Variants in HSD17B2 observed in about 807,000 individuals in gnomAD.
The protein encoded by HSD17B2 is hydroxysteroid 17-beta dehydrogenase 2, also known as 17-beta-hydroxysteroid dehydrogenase type 2.
Under a neutral mutation model 26.9 loss-of-function variants are expected in HSD17B2, and 32 were observed. That is an observed-to-expected ratio of 1.19 (90% CI 0.90 to 1.60). The LOEUF is 1.60. Among genes scored for constraint, HSD17B2 ranks in the 40% most tolerant of loss-of-function variants. The probability of loss-of-function intolerance (pLI) is 0.00; values close to 1 mark genes in which losing one functional copy is unlikely to be tolerated. For missense variants in HSD17B2, 613 were observed against 468.6 expected, an observed-to-expected ratio of 1.31 and a Z score of -2.85; for synonymous variants, 246 against 186.7, an observed-to-expected ratio of 1.32 and a Z score of -2.59.
rs562026112 is a variant in HSD17B2 at position 82,084,033 on chromosome 16, A to G, written c.665-6869A>G. ...CGCATAAACACTTGTGTGCAATTGCATGCTATGCTCAAAAACAAGCCCTGC... is the reference window on the plus strand; with the variant it reads ...CGCATAAACACTTGTGTGCAATTGCGTGCTATGCTCAAAAACAAGCCCTGC... On this transcript the variant is annotated intron_variant, in intron 3 of 4. Coordinates refer to ENST00000199936, the MANE Select transcript of HSD17B2 (RefSeq NM_002153.3). Among the ~76,000 whole-genome samples the G allele has an allele frequency of 2.6e-5, 4 of 152,312 alleles. 1 individual carries two copies. In the South Asian group the frequency reaches 6.2e-4, roughly 24 times the overall value.
chr16:82,067,197 A>T (rs1418742212), intron 1 of HSD17B2, among the ~76,000 whole-genome samples: 1 of 152,130 alleles, frequency 6.6e-6, no homozygotes, highest in South Asian at 2.1e-4. Context: ...TTATTTCCCA[A>T]TTCTTGGCGG....
intron 1 of HSD17B2, among the ~76,000 whole-genome samples, chr16:82,039,964 G>T (rs1327739718): frequency 1.3e-5 from 2 of 152,072 alleles, no homozygotes; most frequent in East Asian, 3.9e-4. Flanking sequence ...AAAAAAAGAG[G>T]GACCTCGTTA....
intron 1 of HSD17B2, among the ~76,000 whole-genome samples, chr16:82,049,496 A>G (rs775119778): frequency 2.0e-5 from 3 of 152,234 alleles, no homozygotes; most frequent in Non-Finnish European, 2.9e-5. Flanking sequence ...TGCACCTTGA[A>G]GAATAGGCCA....
intron 1 of HSD17B2, among the ~76,000 whole-genome samples, chr16:82,064,658 G>A (rs1039498562): frequency 6.6e-6 from 1 of 152,188 alleles, no homozygotes; most frequent in Non-Finnish European, 1.5e-5. Context: ...AAACTAACTC[G>A]AGAAAGAAGA....
intron 1 of HSD17B2, among the ~76,000 whole-genome samples, chr16:82,058,939 A>T (rs1373923558): frequency 6.6e-6 from 1 of 152,064 alleles, no homozygotes; most frequent in Non-Finnish European, 1.5e-5. Flanking sequence ...ATACTTCTTC[A>T]TTTACTCAAT....
intron 1 of HSD17B2, among the ~76,000 whole-genome samples, chr16:82,041,627 A>G (rs1345006290): frequency 6.6e-6 from 1 of 152,260 alleles, no homozygotes; most frequent in Non-Finnish European, 1.5e-5. Flanking sequence ...CTTCTGCTCC[A>G]GCACTGCCGA....
chr16:82,083,335 T>C (rs999499377), intron 3 of HSD17B2, among the ~76,000 whole-genome samples: 1 of 152,086 alleles, frequency 6.6e-6, no homozygotes, highest in African/African-American at 2.4e-5. Context: ...AAAGACATCA[T>C]GTAGGAATAC....
intron 3 of HSD17B2, chr16:82,090,302 G>GATTT (rs1904647934): frequency 2.5e-5 from 1 of 40,066 alleles, no homozygotes; most frequent in Non-Finnish European, 4.1e-5. Context: ...AAACTACATT[G>GATTT]TTTTTTTTTT....
chr16:82,049,165 C>G (rs986306645), intron 1 of HSD17B2, among the ~76,000 whole-genome samples: 2 of 152,088 alleles, frequency 1.3e-5, no homozygotes, highest in Non-Finnish European at 2.9e-5. Context: ...TTACTGGGAG[C>G]AATTTGGTTA....
At chr16:82,072,593 G>A (rs8191179) in intron 3 of HSD17B2, among the ~76,000 whole-genome samples, 1 of 152,222 alleles carries the variant, frequency 6.6e-6, no homozygotes, top group Admixed American at 6.5e-5. Context: ...TCAACTTTGA[G>A]CAACACCTTC....
intron 2 of HSD17B2, chr16:82,070,702 A>G (rs1468591375): frequency 1.9e-6 from 1 of 517,184 alleles, no homozygotes; most frequent in Non-Finnish European, 3.4e-6. Context: ...AATTCTGAAG[A>G]GTTTCTGGAA....
chr16:82,086,918 G>T (rs1229974535), intron 3 of HSD17B2, among the ~76,000 whole-genome samples: 1 of 152,176 alleles, frequency 6.6e-6, no homozygotes, highest in Non-Finnish European at 1.5e-5. Flanking sequence ...TCCTCACATA[G>T]CCCTTCCTTG....
intron 1 of HSD17B2, among the ~76,000 whole-genome samples, chr16:82,057,961 G>A (rs745483102): frequency 7.2e-5 from 11 of 151,960 alleles, no homozygotes; most frequent in Non-Finnish European, 1.6e-4. Context: ...TAAAAGTAAC[G>A]CAATGTGAAT....
intron 1 of HSD17B2, among the ~76,000 whole-genome samples, chr16:82,052,020 C>T (rs1308810127): frequency 4.6e-5 from 7 of 152,216 alleles, no homozygotes; most frequent in African/African-American, 1.2e-4. Context: ...CACACTGTGC[C>T]GTCAGTGCCT....
intron 3 of HSD17B2, among the ~76,000 whole-genome samples, chr16:82,080,264 T>C (rs987614215): frequency 9.9e-5 from 15 of 152,196 alleles, no homozygotes; most frequent in Admixed American, 3.3e-4. Context: ...CCTGTGAGCC[T>C]GTTACCTCAC....
intron 1 of HSD17B2, among the ~76,000 whole-genome samples, chr16:82,051,700 A>C (rs1350639307): frequency 6.6e-6 from 1 of 152,208 alleles, no homozygotes; most frequent in Non-Finnish European, 1.5e-5. Context: ...ACAAACCTGT[A>C]AGTTCTGCAC....
intron 3 of HSD17B2, among the ~76,000 whole-genome samples, chr16:82,088,778 A>G (rs914067253): frequency 6.6e-6 from 1 of 152,158 alleles, no homozygotes; most frequent in East Asian, 1.9e-4. Context: ...GTTTAATGAG[A>G]GTCTGCTTGA....
At chr16:82,050,332 C>G (rs911022234) in intron 1 of HSD17B2, among the ~76,000 whole-genome samples, 1 of 151,952 alleles carries the variant, frequency 6.6e-6, no homozygotes, top group Non-Finnish European at 1.5e-5. Context: ...CCCATCTTCT[C>G]CCCTGCCCGC....
intron 3 of HSD17B2, among the ~76,000 whole-genome samples, chr16:82,075,920 A>G (rs943393985): frequency 6.6e-6 from 1 of 151,328 alleles, no homozygotes; most frequent in South Asian, 2.1e-4. Context: ...AAAAAAAAAA[A>G]AAAAGAAAAG....
Sources: allele counts gnomAD v4.1 joint callset (sites outside exome capture counted in the v4.1 genomes callset), GRCh38; gene constraint gnomAD v4.1.1; transcripts MANE v1.5; gene names NCBI Gene and HGNC (gene_info 2026-07-23, HGNC 2026-07-21).